TMEM116: variants seen among roughly 807,000 people sequenced by gnomAD.
The protein encoded by TMEM116 is transmembrane protein 116.
TMEM116 carries 38 observed loss-of-function variants against 44.3 expected under a neutral mutation model. The observed-to-expected ratio is 0.86, with a 90% CI of 0.66 to 1.12. The LOEUF is 1.12. Ranked by LOEUF, TMEM116 falls within the 50% of genes most tolerant of loss-of-function variation. The pLI, the probability that TMEM116 is intolerant of heterozygous loss-of-function variation, is 0.00. For synonymous variants in TMEM116, 132 were observed against 144.8 expected (o/e 0.91, Z 0.64); for missense variants, 354 against 401.7 (o/e 0.88, Z 1.01).
intron 3 of TMEM116, among the ~76,000 whole-genome samples, chr12:111,999,029 C>T (rs2077084163): frequency 6.6e-6 from 1 of 151,950 alleles, no homozygotes; most frequent in South Asian, 2.1e-4. Context: ...AAAAATTCTA[C>T]CCCTCCTATG....
intron 4 of TMEM116, among the ~76,000 whole-genome samples, chr12:111,974,337 T>C (rs1449667896): frequency 6.6e-6 from 1 of 152,012 alleles, no homozygotes; most frequent in Non-Finnish European, 1.5e-5. Flanking sequence ...GTCACTGCAA[T>C]CAGGCAGGGG....
chr12:111,941,460 C>A (rs1340241468), intron 5 of TMEM116, among the ~76,000 whole-genome samples: 1 of 151,456 alleles, frequency 6.6e-6, no homozygotes. Flanking sequence ...TCCTGTGTTG[C>A]ACAATATAGT....
intron 1 of TMEM116, chr12:112,010,734 T>C (rs1189081860): frequency 2.0e-5 from 3 of 152,302 alleles, no homozygotes; most frequent in Admixed American, 6.5e-5. Context: ...GTAGCTCCTC[T>C]CTTAGGCTTG....
At position 111,933,992 on chromosome 12, in the gene TMEM116, A is replaced by C. The variant is rs1269144619; in HGVS notation, c.627T>G (p.Phe209Leu). The change falls in exon 9 of 11, where the codon TTT becomes TTG. Residue 209 changes from phenylalanine to leucine, a missense_variant. Transcript: ENST00000552374. ...TCCCCAGAAAGCCAGTTGACTTCAC[A>C]AACTTCTTATACAATGTCTGGGCTC... ...LIRAQTLYKK[F>L]VKSTGFLGSE... 3 of 1,614,236 alleles carry C rather than the reference A, an allele frequency of 1.9e-6. No individual in the cohort carries two copies.
chr12:112,008,530 T>C (rs2077690843), intron 1 of TMEM116, among the ~76,000 whole-genome samples: 1 of 151,840 alleles, frequency 6.6e-6, no homozygotes, highest in East Asian at 1.9e-4. Flanking sequence ...AGTTCTTAAC[T>C]TATTGGGCTA....
At chr12:111,958,191 T>C (rs188946399) in intron 4 of TMEM116, among the ~76,000 whole-genome samples, 2,573 of 150,254 alleles carry the variant, frequency 0.017, 28 homozygotes, top group Non-Finnish European at 0.028. Flanking sequence ...TTCACAAGTT[T>C]ATCTGCTGAC....
chr12:111,974,746 C>T (rs2075570544), intron 4 of TMEM116, among the ~76,000 whole-genome samples: 1 of 151,766 alleles, frequency 6.6e-6, no homozygotes, highest in Non-Finnish European at 1.5e-5. Context: ...CATGATCATC[C>T]ATGTAGAAAA....
chr12:111,994,283 C>A (rs2076800813), intron 3 of TMEM116, among the ~76,000 whole-genome samples: 1 of 152,092 alleles, frequency 6.6e-6, no homozygotes, highest in Admixed American at 6.5e-5. Context: ...CCAAGACACT[C>A]TTGAAAAAAA....
intron 3 of TMEM116, among the ~76,000 whole-genome samples, chr12:112,000,445 C>G (rs960473800): frequency 5.9e-5 from 9 of 151,992 alleles, no homozygotes; most frequent in African/African-American, 2.2e-4. Context: ...TTTTAACAAT[C>G]TCAGCACAGA....
chr12:111,990,863 AG>A (rs1001431175), intron 4 of TMEM116, among the ~76,000 whole-genome samples: 1 of 152,214 alleles, frequency 6.6e-6, no homozygotes, highest in Non-Finnish European at 1.5e-5. Context: ...ATGATGTTAT[AG>A]AAAAGTATTT....
At chr12:111,955,757 G>A (rs1400185069) in intron 4 of TMEM116, among the ~76,000 whole-genome samples, 2 of 152,180 alleles carry the variant, frequency 1.3e-5, no homozygotes, top group Non-Finnish European at 2.9e-5. Context: ...TTATAATACT[G>A]TATTTTTTAC....
intron 4 of TMEM116, among the ~76,000 whole-genome samples, chr12:111,949,415 A>C (rs1947535490): frequency 6.6e-6 from 1 of 152,192 alleles, no homozygotes; most frequent in Admixed American, 6.5e-5. Flanking sequence ...GTCATATTTA[A>C]ATTGTTTATA....
intron 5 of TMEM116, 88 bp downstream of exon 5, chr12:111,943,177 G>A: frequency 9.6e-7 from 1 of 1,040,086 alleles, no homozygotes; most frequent in Non-Finnish European, 1.5e-6. Context: ...GCCCCCCTCA[G>A]CCTCCCTAAC....
chr12:111,936,147 T>C (rs894888971), intron 8 of TMEM116: 3 of 152,156 alleles, frequency 2.0e-5, no homozygotes, highest in African/African-American at 7.2e-5. Context: ...ACTGCTTTTG[T>C]ATGAGGCAGT....
At chr12:111,951,939 C>T (rs985727430) in intron 4 of TMEM116, among the ~76,000 whole-genome samples, 3 of 151,758 alleles carry the variant, frequency 2.0e-5, no homozygotes, top group East Asian at 2.0e-4. Context: ...TGGCTGGGCA[C>T]GGTGGCTTGG....
At chr12:111,990,080 C>A (rs185579036) in intron 4 of TMEM116, among the ~76,000 whole-genome samples, 8 of 151,986 alleles carry the variant, frequency 5.3e-5, no homozygotes, top group Non-Finnish European at 1.0e-4. Context: ...ATGGTGAAAC[C>A]CCGTCTCTAC....
chr12:111,945,395 A>G (rs1297147743), intron 4 of TMEM116, among the ~76,000 whole-genome samples: 1 of 150,950 alleles, frequency 6.6e-6, no homozygotes, highest in Non-Finnish European at 1.5e-5. Flanking sequence ...AATTTCATTT[A>G]CGCCCAGTAG....
chr12:111,986,492 A>C (rs1215501298), intron 4 of TMEM116, among the ~76,000 whole-genome samples: 1 of 151,828 alleles, frequency 6.6e-6, no homozygotes. Flanking sequence ...TGCCAAGATC[A>C]TTTAATGGGG....
At chr12:112,004,612 C>A (rs12423960) in intron 2 of TMEM116, among the ~76,000 whole-genome samples, 21,554 of 151,758 alleles carry the variant, frequency 0.14, 1,909 homozygotes, top group African/African-American at 0.25. Flanking sequence ...ATATAGAATG[C>A]TTCACAAATT....
Sources: allele counts gnomAD v4.1 joint callset (sites outside exome capture counted in the v4.1 genomes callset), GRCh38; gene constraint gnomAD v4.1.1; transcripts MANE v1.5; gene names NCBI Gene and HGNC (gene_info 2026-07-23, HGNC 2026-07-21).